The following METTL6 variants were observed in gnomAD, a reference collection of about 807,000 sequenced individuals.
METTL6 encodes methyltransferase 6, tRNA N3-cytidine.
Under a neutral mutation model 26.4 loss-of-function variants are expected in METTL6, and 22 were observed. The ratio of observed to expected loss-of-function variants is 0.83; its 90% CI spans 0.59 to 1.19. METTL6 has a LOEUF of 1.19. Among genes scored for constraint, METTL6 ranks in the 50% most tolerant of loss-of-function variants. METTL6 has a pLI of 0.00. For missense variants in METTL6, 304 were observed against 324.8 expected, an observed-to-expected ratio of 0.94 and a Z score of 0.49; for synonymous variants, 109 against 116.2, an observed-to-expected ratio of 0.94 and a Z score of 0.40.
At chr3:15,414,408 T>G (rs1156989105) in intron 4 of METTL6, 4 of 1,098,148 alleles carry the variant, frequency 3.6e-6, no homozygotes, top group Non-Finnish European at 4.6e-6. Flanking sequence ...CAGGCTGGAG[T>G]GCAGTGGCAT....
chr3:15,417,384 G>C (rs1245332941), intron 3 of METTL6, among the ~76,000 whole-genome samples: 1 of 151,902 alleles, frequency 6.6e-6, no homozygotes, highest in Admixed American at 6.6e-5. Context: ...GAACCTGGGA[G>C]GCGGAGGTTG....
rs1699925494 is a variant in METTL6, at chr3:15,410,539, G to A, written c.*717C>T. On this transcript the variant is annotated 3_prime_UTR_variant, in exon 6 of 6. Coordinates refer to ENST00000383790, the MANE Select transcript of METTL6 (RefSeq NM_152396.4). ...TTGCCCACACTGGTCTTGAACTCCT[G>A]GGCTCAAGGGATCTGCTGGCCTTGG... 6.6e-6 allele frequency among the ~76,000 whole-genome samples: 1 copy of A among 152,120 alleles called. No individual in the cohort carries two copies. Among genetic ancestry groups the A allele is most frequent in the Admixed American group, 6.5e-5 (1 of 15,272 alleles).
At chr3:15,398,284 C>G (rs1056688912) in intron 6 of METTL6, among the ~76,000 whole-genome samples, 1 of 151,998 alleles carries the variant, frequency 6.6e-6, no homozygotes, top group African/African-American at 2.4e-5. Flanking sequence ...ATCTTTGCCT[C>G]CTGGGTTCAA....
intron 3 of METTL6, among the ~76,000 whole-genome samples, chr3:15,420,595 T>C (rs577343260): frequency 1.3e-5 from 2 of 152,320 alleles, no homozygotes; most frequent in East Asian, 1.9e-4. Flanking sequence ...TGAGGCAAGA[T>C]TGACCACTGT....
At chr3:15,414,883 C>T in intron 4 of METTL6, 4 of 921,826 alleles carry the variant, frequency 4.3e-6, no homozygotes, top group Non-Finnish European at 6.0e-6. Flanking sequence ...GTCCATGCCA[C>T]TGCACTCCAG....
intron 6 of METTL6, among the ~76,000 whole-genome samples, chr3:15,397,072 G>C (rs183242046): frequency 6.6e-6 from 1 of 152,286 alleles, no homozygotes; most frequent in African/African-American, 2.4e-5. Context: ...GGCTATGCCC[G>C]CCCCCAGAAG....
At chr3:15,412,331 AGACTC>A (rs1700002659) in intron 5 of METTL6, among the ~76,000 whole-genome samples, 1 of 152,236 alleles carries the variant, frequency 6.6e-6, no homozygotes, top group Non-Finnish European at 1.5e-5. Context: ...GCAAAAATAA[AGACTC>A]GTACTAAGAG....
At chr3:15,396,425 A>G (rs1311507477) in intron 6 of METTL6, among the ~76,000 whole-genome samples, 4 of 152,102 alleles carry the variant, frequency 2.6e-5, no homozygotes, top group Admixed American at 1.3e-4. Flanking sequence ...CTTCTTTGCC[A>G]TGGGTTCGAA....
intron 6 of METTL6, among the ~76,000 whole-genome samples, chr3:15,401,592 C>A (rs1350153494): frequency 2.0e-5 from 3 of 151,120 alleles, no homozygotes; most frequent in Admixed American, 6.6e-5. Context: ...GTCACAAAGT[C>A]CCTGCTAATA....
At position 15,390,889 on chromosome 3, in the gene METTL6, A is replaced by G. The variant is rs73132553; in HGVS notation, c.*12-6702T>C. 5.7e-3 allele frequency among the ~76,000 whole-genome samples: 823 copies of G among 145,026 alleles called. 12 individuals are homozygous for G. Among genetic ancestry groups the G allele is most frequent in the African/African-American group, 0.02 (738 of 36,100 alleles). ...ATGAAAGTGGCTCTCAGCGGCTCTC[A>G]GCATCCAGGAAGAATCAAGTCACAT... On this transcript the variant is annotated intron_variant, in intron 6 of 6. Transcript: ENST00000443029.
exon 7 of METTL6, chr3:15,383,016 C>T (rs149753547): frequency 6.6e-5 from 10 of 152,250 alleles, no homozygotes; most frequent in African/African-American, 2.4e-4. Context: ...AAAGGGCACA[C>T]ATTTCAGTTA....
At position 15,413,942 on chromosome 3, in the gene METTL6, C is replaced by T. The variant is rs114644008; in HGVS notation, c.673+79G>A. 1,633 of 1,601,888 alleles carry T rather than the reference C, an allele frequency of 1.0e-3. 21 individuals carry two copies. The African/African-American group carries it at 0.02, about 20-fold the overall frequency. On this transcript the variant is annotated intron_variant, in intron 5 of 5. Coordinates refer to ENST00000383790, the MANE Select transcript of METTL6 (RefSeq NM_152396.4). The stretch of plus-strand genomic sequence containing the variant: ...GCACATGTCGCAAGCCTTCTCCAAG[C>T]AGCCTTGCAGTGATAATGCAATCAA...
chr3:15,417,087 G>A (rs541608938), intron 3 of METTL6, among the ~76,000 whole-genome samples: 10 of 152,206 alleles, frequency 6.6e-5, no homozygotes, highest in African/African-American at 1.7e-4. Context: ...TGAAAGGATC[G>A]CTTGAGTTCA....
intron 6 of METTL6, among the ~76,000 whole-genome samples, chr3:15,402,424 G>A (rs2124934373): frequency 6.6e-6 from 1 of 152,212 alleles, no homozygotes; most frequent in African/African-American, 2.4e-5. Context: ...GCAGGTCTGA[G>A]TGGCAGTCGT....
At chr3:15,422,742 T>C (rs889284781) in intron 3 of METTL6, among the ~76,000 whole-genome samples, 8 of 152,192 alleles carry the variant, frequency 5.3e-5, no homozygotes, top group African/African-American at 1.9e-4. Flanking sequence ...GTCACCAAAG[T>C]GTTCCCCACA....
intron 3 of METTL6, among the ~76,000 whole-genome samples, chr3:15,416,684 A>T (rs1318859656): frequency 6.6e-6 from 1 of 152,194 alleles, no homozygotes; most frequent in Non-Finnish European, 1.5e-5. Flanking sequence ...TTTATGCAGC[A>T]AGCTAAATAA....
chr3:15,384,931 A>G (rs952165305), intron 6 of METTL6, among the ~76,000 whole-genome samples: 1 of 152,290 alleles, frequency 6.6e-6, no homozygotes, highest in East Asian at 1.9e-4. Flanking sequence ...CTGTGAAATA[A>G]TGGGTTACTA....
intron 6 of METTL6, among the ~76,000 whole-genome samples, chr3:15,394,343 A>G (rs1001472565): frequency 1.3e-5 from 2 of 152,124 alleles, no homozygotes; most frequent in African/African-American, 4.8e-5. Context: ...CAGTGGTGAT[A>G]TCCCCTTTAT....
chr3:15,424,505 T>C (rs2061676578), intron 3 of METTL6, among the ~76,000 whole-genome samples: 1 of 152,200 alleles, frequency 6.6e-6, no homozygotes, highest in East Asian at 1.9e-4. Context: ...GGGTGCAAGC[T>C]ATCCACCAGC....
Sources: allele counts gnomAD v4.1 joint callset (sites outside exome capture counted in the v4.1 genomes callset), GRCh38; gene constraint gnomAD v4.1.1; transcripts MANE v1.5; gene names NCBI Gene and HGNC (gene_info 2026-07-23, HGNC 2026-07-21).